Variants in ARHGEF28 observed in about 807,000 individuals in gnomAD.
ARHGEF28 encodes the protein 190 kDa guanine nucleotide exchange factor.
In ARHGEF28, 152 loss-of-function variants were observed where a neutral mutation model predicts 206.6. The ratio of observed to expected loss-of-function variants is 0.74; its 90% confidence interval spans 0.64 to 0.84. ARHGEF28 has a LOEUF of 0.84. Among genes scored for constraint, ARHGEF28 ranks in the 40% least tolerant of loss-of-function variants. The pLI, the probability that ARHGEF28 is intolerant of heterozygous loss-of-function variation, is 0.00. For synonymous variants in ARHGEF28, 763 were observed against 776.4 expected (o/e 0.98, Z 0.29); for missense variants, 2,028 against 2,073.2 (o/e 0.98, Z 0.42).
At chr5:73,868,066 T>G (rs757119609) in intron 19 of ARHGEF28, 34 bp from the exon 20 acceptor site, 28 of 1,613,042 alleles carry the variant, frequency 1.7e-5, no homozygotes, top group Middle Eastern at 1.6e-4. Flanking sequence ...AGAGAGCTTC[T>G]GGGGCTAACT....
Position 73,911,388 on chromosome 5 carries a change from C to CCAT in ARHGEF28, c.4764_4766dup (p.His1588dup). ...TCAACAAACTGAATCCATCAGTTAT[C>CCAT]CATCAGGATGCCACTTACCCTACAA... On this transcript the variant is annotated inframe_insertion, in exon 35 of 36. Transcript: ENST00000513042. 1 of 1,613,936 alleles carries CCAT rather than the reference C, an allele frequency of 6.2e-7. No individual in the cohort carries two copies. The highest frequency in any genetic ancestry group is 1.1e-5 in the South Asian group (1 of 91,070).
At chr5:73,748,884 G>T (rs1436744015) in intron 2 of ARHGEF28, among the ~76,000 whole-genome samples, 1 of 152,158 alleles carries the variant, frequency 6.6e-6, no homozygotes, top group Non-Finnish European at 1.5e-5. Context: ...TCTGGGGTCT[G>T]GAGATGACCT....
At chr5:73,869,130 A>G (rs576199144) in intron 20 of ARHGEF28, among the ~76,000 whole-genome samples, 6 of 142,808 alleles carry the variant, frequency 4.2e-5, no homozygotes, top group South Asian at 4.3e-4. Flanking sequence ...ATTCATTGTC[A>G]TCTCATTTGT....
At chr5:73,815,577 A>G (rs984493871) in intron 9 of ARHGEF28, among the ~76,000 whole-genome samples, 1 of 152,112 alleles carries the variant, frequency 6.6e-6, no homozygotes, top group Non-Finnish European at 1.5e-5. Context: ...TTTGGGTTGT[A>G]ATCTGCTTTA....
intron 23 of ARHGEF28, among the ~76,000 whole-genome samples, chr5:73,882,854 C>T (rs1761039567): frequency 6.6e-6 from 1 of 152,078 alleles, no homozygotes; most frequent in African/African-American, 2.4e-5. Context: ...TACTGGGAAG[C>T]TGTTTCATGC....
At chr5:73,889,072 C>T (rs1360154035) in intron 26 of ARHGEF28, among the ~76,000 whole-genome samples, 1 of 152,178 alleles carries the variant, frequency 6.6e-6, no homozygotes, top group Non-Finnish European at 1.5e-5. Context: ...ATCTATCTGA[C>T]AATAGCCCAT....
At chr5:73,934,325 T>A (rs1764299202) in intron 35 of ARHGEF28, among the ~76,000 whole-genome samples, 1 of 152,216 alleles carries the variant, frequency 6.6e-6, no homozygotes, top group African/African-American at 2.4e-5. Flanking sequence ...TAGATGGTGT[T>A]GTAAATTGCA....
rs137982637 is a variant in ARHGEF28 at position 73,924,986 on chromosome 5, G to T, written c.4948+13411G>T. ...CATTTTTCCTCCCTTTGGAACAGTT[G>T]AAATTCAAATGACATATCCTAGCAT... On this transcript the variant is annotated intron_variant, in intron 35 of 35. Transcript: ENST00000513042. 2.2e-4 allele frequency among the ~76,000 whole-genome samples: 33 copies of T among 152,328 alleles called. No homozygotes were observed. The East Asian group carries it at 6.0e-3, about 28-fold the overall frequency.
chr5:73,849,085 AAGGTAAGC>A lies in ARHGEF28; in HGVS notation c.1747_1747+7del. ...GAATTAACAGTATGCAGTTCAAGTGAAGGTAAGCATCATTTAACATTTGGCTTTGAAAA... is the reference window on the plus strand; with the variant it reads ...GAATTAACAGTATGCAGTTCAAGTGAATCATTTAACATTTGGCTTTGAAAA... On this transcript the variant is annotated splice_donor_variant and splice_donor_5th_base_variant and coding_sequence_variant and intron_variant, in exon 13 of 36. Transcript: ENST00000513042. LOFTEE classifies it high-confidence loss of function. The A allele has an allele frequency of 6.4e-7, 1 of 1,551,358 alleles. No homozygotes were observed. Among genetic ancestry groups the A allele is most frequent in the East Asian group, 2.4e-5 (1 of 42,544 alleles).
chr5:73,683,659 C>T (rs1252762556), intron 1 of ARHGEF28, among the ~76,000 whole-genome samples: 2 of 151,772 alleles, frequency 1.3e-5, no homozygotes, highest in Non-Finnish European at 2.9e-5. Flanking sequence ...GTGCACACAC[C>T]TGGCAGAGAG....
intron 22 of ARHGEF28, among the ~76,000 whole-genome samples, chr5:73,881,491 A>C (rs1490644856): frequency 2.0e-5 from 3 of 152,178 alleles, no homozygotes. Flanking sequence ...AGTTTTTACT[A>C]TGAGTCATAT....
At chr5:73,687,089 T>C (rs1747524224) in intron 2 of ARHGEF28, among the ~76,000 whole-genome samples, 1 of 152,192 alleles carries the variant, frequency 6.6e-6, no homozygotes, top group African/African-American at 2.4e-5. Flanking sequence ...CATATTGTTG[T>C]CATTTCAGTT....
chr5:73,896,439 CA>C (rs11336639), intron 29 of ARHGEF28, among the ~76,000 whole-genome samples: 51,012 of 151,928 alleles, frequency 0.34, 9,124 homozygotes, highest in African/African-American at 0.44. Flanking sequence ...GATGTTATTC[CA>C]AATATGATGG....
chr5:73,774,111 A>G lies in ARHGEF28; in HGVS notation c.659+73A>G, dbSNP rs574024812. 2.9e-6 allele frequency: 4 copies of G among 1,372,694 alleles called. No homozygotes were observed. The East Asian group carries it at 7.6e-5, about 26-fold the overall frequency. The allele number at this position is 1,372,694 out of a possible 1,614,324, so 85.0% of individuals were successfully genotyped here. A position where few individuals can be genotyped will look rare whatever the true frequency, so the allele number is the denominator to read the frequency against. On this transcript the variant is annotated intron_variant, in intron 5 of 35. Coordinates refer to ENST00000513042, the MANE Select transcript of ARHGEF28 (RefSeq NM_001177693.2). ...CCAAGCATTATAGAAAAATGGAAAT[A>G]ACCAAACCACAAGCTAATGTTGGTT...
chr5:73,737,625 C>T (rs1343951555), intron 2 of ARHGEF28, among the ~76,000 whole-genome samples: 1 of 151,674 alleles, frequency 6.6e-6, no homozygotes, highest in African/African-American at 2.4e-5. Context: ...GATTCTTCTG[C>T]CTCAGCCTCC....
chr5:73,639,895 A>C (rs1362895460), intron 1 of ARHGEF28, among the ~76,000 whole-genome samples: 2 of 152,220 alleles, frequency 1.3e-5, no homozygotes, highest in Non-Finnish European at 2.9e-5. Flanking sequence ...CAAATTGTAT[A>C]AAAATGAATA....
chr5:73,759,982 AG>A, intron 4 of ARHGEF28, among the ~76,000 whole-genome samples: 1 of 152,210 alleles, frequency 6.6e-6, no homozygotes, highest in South Asian at 2.1e-4. Flanking sequence ...TTTGAAATGG[AG>A]CGTGGCTTGT....
intron 1 of ARHGEF28, among the ~76,000 whole-genome samples, chr5:73,643,191 G>A (rs1431959835): frequency 2.6e-5 from 4 of 152,144 alleles, no homozygotes; most frequent in African/African-American, 9.7e-5. Context: ...ACAAAGCTTA[G>A]GTTACTTTAA....
intron 35 of ARHGEF28, among the ~76,000 whole-genome samples, chr5:73,917,932 C>G (rs1763303084): frequency 6.6e-6 from 1 of 152,098 alleles, no homozygotes; most frequent in Non-Finnish European, 1.5e-5. Context: ...ATTTGTATAC[C>G]AAACATAACT....
Sources: allele counts gnomAD v4.1 joint callset (sites outside exome capture counted in the v4.1 genomes callset), GRCh38; gene constraint gnomAD v4.1.1; transcripts MANE v1.5; gene names NCBI Gene and HGNC (gene_info 2026-07-23, HGNC 2026-07-21).